The following IL34 variants were observed in gnomAD, a reference collection of about 807,000 sequenced individuals.
IL34 encodes the protein interleukin-34.
IL34 carries 17 observed loss-of-function variants against 25.3 expected under a neutral mutation model. The ratio of observed to expected loss-of-function variants is 0.67; its 90% CI spans 0.46 to 1.01. IL34 has a LOEUF of 1.01. Among genes scored for constraint, IL34 ranks in the 50% least tolerant of loss-of-function variants. The pLI, the probability that IL34 is intolerant of heterozygous loss-of-function variation, is 0.00. For synonymous variants in IL34, 174 were observed against 140.9 expected (o/e 1.23, Z -1.66); for missense variants, 368 against 312.9 (o/e 1.18, Z -1.33).
At chr16:70,612,160 T>C (rs553823011) in intron 1 of IL34, among the ~76,000 whole-genome samples, 1 of 152,328 alleles carries the variant, frequency 6.6e-6, no homozygotes, top group South Asian at 2.1e-4. Flanking sequence ...TGTTCTGTAG[T>C]CTAGAAATCG....
At chr16:70,628,695 C>G (rs968038652) in intron 1 of IL34, among the ~76,000 whole-genome samples, 2 of 151,656 alleles carry the variant, frequency 1.3e-5, no homozygotes, top group Admixed American at 1.3e-4. Context: ...CCATGTTGAC[C>G]AAGCTGGTCT....
intron 4 of IL34, 28 bp downstream of exon 4, chr16:70,657,149 G>C: frequency 1.2e-6 from 2 of 1,607,242 alleles, no homozygotes; most frequent in Admixed American, 1.7e-5. Context: ...GTGGCAGGTG[G>C]GGTGTGTGTG....
At chr16:70,638,002 A>G (rs907785082) in intron 1 of IL34, among the ~76,000 whole-genome samples, 15 of 152,212 alleles carry the variant, frequency 9.9e-5, no homozygotes, top group Admixed American at 5.2e-4. Context: ...CAGCAGTGCA[A>G]TGGATATCCC....
At chr16:70,604,605 G>A (rs1159616963) in intron 1 of IL34, among the ~76,000 whole-genome samples, 2 of 152,174 alleles carry the variant, frequency 1.3e-5, no homozygotes, top group African/African-American at 2.4e-5. Flanking sequence ...CTCCACTAGG[G>A]ACACTTCTGG....
At chr16:70,599,293 C>CTTTCTTTCTTTCTTTTTCTTCT (rs113794220) in intron 1 of IL34, among the ~76,000 whole-genome samples, 2 of 132,702 alleles carry the variant, frequency 1.5e-5, no homozygotes, top group Non-Finnish European at 3.2e-5. Flanking sequence ...TTCTTTCTTT[C>CTTTCTTTCTTTCTTTTTCTTCT]TTCTTTCTTT....
chr16:70,625,695 C>A (rs34532099), intron 1 of IL34, among the ~76,000 whole-genome samples: 16,543 of 152,070 alleles, frequency 0.11, 965 homozygotes, highest in South Asian at 0.17. Flanking sequence ...GTGACAGGCG[C>A]TGGAGTTTTG....
Position 70,586,688 on chromosome 16 carries a change from G to A in IL34, c.-401+6639G>A, listed in dbSNP as rs192775863. 1.3e-3 allele frequency among the ~76,000 whole-genome samples: 195 copies of A among 152,282 alleles called. 2 individuals carry two copies. The highest frequency in any genetic ancestry group is 2.5e-3 in the South Asian group (12 of 4,824). On this transcript the variant is annotated intron_variant, in intron 1 of 6. Coordinates refer to the IL34 transcript ENST00000429149. ...GGGGTAGAGAGAAATGGCAGGCACC[G>A]TCCTGGACCTGTCCTCCAGCCTGGC...
intron 1 of IL34, among the ~76,000 whole-genome samples, chr16:70,641,237 C>T (rs1301804751): frequency 1.3e-5 from 2 of 151,846 alleles, no homozygotes; most frequent in Admixed American, 6.6e-5. Flanking sequence ...CACACCACTG[C>T]ACTCCAGCTT....
chr16:70,641,910 T>A (rs938707091), upstream of IL34, among the ~76,000 whole-genome samples: 7 of 152,144 alleles, frequency 4.6e-5, no homozygotes, highest in Non-Finnish European at 7.3e-5. Flanking sequence ...CCTCATTAGT[T>A]ATTTTGGAGG....
intron 1 of IL34, among the ~76,000 whole-genome samples, chr16:70,624,020 C>T (rs927290729): frequency 1.6e-4 from 24 of 151,610 alleles, no homozygotes; most frequent in Non-Finnish European, 2.7e-4. Flanking sequence ...TGATGGTCTA[C>T]GGGGCTTTCG....
intron 1 of IL34, among the ~76,000 whole-genome samples, chr16:70,621,542 C>T (rs919023237): frequency 6.6e-6 from 1 of 152,084 alleles, no homozygotes; most frequent in African/African-American, 2.4e-5. Flanking sequence ...TCTCATGGAG[C>T]AAAGAACAGG....
chr16:70,611,161 TAG>T (rs1458849341), intron 1 of IL34, among the ~76,000 whole-genome samples: 8 of 152,250 alleles, frequency 5.3e-5, no homozygotes, highest in Admixed American at 3.9e-4. Context: ...CTGTTTTTAG[TAG>T]AGATGGGTTT....
At chr16:70,615,561 T>C (rs1243280288) in intron 1 of IL34, among the ~76,000 whole-genome samples, 1 of 152,128 alleles carries the variant, frequency 6.6e-6, no homozygotes, top group Non-Finnish European at 1.5e-5. Flanking sequence ...CTGAAAGGTG[T>C]CTGAGTTGCC....
chr16:70,584,408 C>T (rs1228297861), intron 1 of IL34, among the ~76,000 whole-genome samples: 2 of 152,110 alleles, frequency 1.3e-5, no homozygotes, highest in African/African-American at 2.4e-5. Context: ...GTGGATGGGT[C>T]GAGACTTGCC....
chr16:70,607,253 C>G (rs1182421866), intron 1 of IL34, among the ~76,000 whole-genome samples: 2 of 152,146 alleles, frequency 1.3e-5, no homozygotes, highest in African/African-American at 4.8e-5. Context: ...AGGTGCCCAC[C>G]ACCACACCCA....
At chr16:70,659,902 G>A (rs2052347927) in intron 5 of IL34, 95 bp from the exon 6 acceptor site, 9 of 1,479,668 alleles carry the variant, frequency 6.1e-6, no homozygotes, top group Non-Finnish European at 8.2e-6. Flanking sequence ...TGGGCCCTGG[G>A]TAGAGTGGGG....
intron 4 of IL34, among the ~76,000 whole-genome samples, chr16:70,658,641 C>G (rs911741869): frequency 1.3e-5 from 2 of 151,380 alleles, no homozygotes; most frequent in Admixed American, 1.3e-4. Flanking sequence ...GCCACCACAC[C>G]TGTATTTTTA....
intron 1 of IL34, among the ~76,000 whole-genome samples, chr16:70,614,683 G>A (rs376600526): frequency 6.6e-6 from 1 of 152,290 alleles, no homozygotes; most frequent in African/African-American, 2.4e-5. Context: ...GGGAAGTTAT[G>A]TGAATTGCCT....
At position 70,647,523 on chromosome 16, in the gene IL34, G is replaced by C. The variant is rs118111366; in HGVS notation, c.28+548G>C. ...AAATGAGGACAGAAAGGAAAAAAAG[G>C]ATCTGGAAGCCTCTTATGCCTGCTG... On this transcript the variant is annotated intron_variant, in intron 1 of 5. Coordinates refer to ENST00000288098, the MANE Select transcript of IL34 (RefSeq NM_001393494.1). Among the ~76,000 whole-genome samples the C allele has an allele frequency of 1.2e-3, 182 of 152,310 alleles. 1 individual carries two copies. The highest frequency in any genetic ancestry group is 2.3e-3 in the Non-Finnish European group (158 of 68,026).
Sources: allele counts gnomAD v4.1 joint callset (sites outside exome capture counted in the v4.1 genomes callset), GRCh38; gene constraint gnomAD v4.1.1; transcripts MANE v1.5; gene names NCBI Gene and HGNC (gene_info 2026-07-23, HGNC 2026-07-21).